SORBS2: variants seen among roughly 807,000 people sequenced by gnomAD.
SORBS2 encodes sorbin and SH3 domain containing 2.
A neutral mutation model predicts 97.7 loss-of-function variants in SORBS2; 46 were observed. That is an observed-to-expected ratio of 0.47 (90% CI 0.37 to 0.60). The LOEUF (loss-of-function observed/expected upper bound fraction) is 0.60. SORBS2 is among the 20% of genes least tolerant of loss of function. SORBS2 has a pLI of 0.00. For synonymous variants in SORBS2, 476 were observed against 473.4 expected (o/e 1.01, Z -0.07); for missense variants, 1,316 against 1,282.3 (o/e 1.03, Z -0.40).
chr4:185,844,356 T>C (rs1300511959), intron 1 of SORBS2, among the ~76,000 whole-genome samples: 1 of 152,202 alleles, frequency 6.6e-6, no homozygotes, highest in Non-Finnish European at 1.5e-5. Context: ...CACGAAAAGA[T>C]GCCCAACAGC....
intron 4 of SORBS2, among the ~76,000 whole-genome samples, chr4:185,670,120 G>C (rs2097689119): frequency 6.6e-6 from 1 of 152,088 alleles, no homozygotes; most frequent in Non-Finnish European, 1.5e-5. Flanking sequence ...TCTGGAGGCT[G>C]AGGCAGGAGA....
In SORBS2 at chr4:185,602,058, T is replaced by A. The variant is rs1245019027; in HGVS notation, c.2797-8123A>T. 2.0e-5 allele frequency among the ~76,000 whole-genome samples: 3 copies of A among 152,166 alleles called. No individual in the cohort carries two copies. The East Asian group carries it at 5.8e-4, about 29-fold the overall frequency. ...ATGGAGTCTCGCTCTGTTGCCAGGC[T>A]GGAGTGCAGTGGCACGGTCTCGGCT... On this transcript the variant is annotated intron_variant, in intron 12 of 14. Coordinates refer to ENST00000418609, the Ensembl canonical transcript of SORBS2.
intron 7 of SORBS2, among the ~76,000 whole-genome samples, chr4:185,621,744 C>CT (rs34333604): frequency 8.9e-4 from 135 of 151,304 alleles, no homozygotes; most frequent in Admixed American, 2.6e-3. Flanking sequence ...TGAATTATGT[C>CT]TTTTTTTTTG....
rs187836562 is a variant in SORBS2, at chr4:185,754,150, A to C, written c.-198+21077T>G. On this transcript the variant is annotated intron_variant, in intron 2 of 20. Coordinates refer to the SORBS2 transcript ENST00000284776. ...AGGACAAGATGATGTCCTTTGCAGC[A>C]ACATGGATGGAGCTAGAGGTCATTT... Among the ~76,000 whole-genome samples, 96 of 152,314 alleles carry C rather than the reference A, an allele frequency of 6.3e-4. 1 individual carries two copies. Among genetic ancestry groups the C allele is most frequent in the Admixed American group, 1.6e-3 (24 of 15,292 alleles).
intron 4 of SORBS2, among the ~76,000 whole-genome samples, chr4:185,664,607 C>A (rs1379112911): frequency 1.3e-5 from 2 of 152,164 alleles, no homozygotes; most frequent in East Asian, 3.9e-4. Context: ...AATGAGGCTC[C>A]TTCTGTAGCC....
At chr4:185,642,877 A>G (rs1214492200) in intron 4 of SORBS2, among the ~76,000 whole-genome samples, 1 of 152,252 alleles carries the variant, frequency 6.6e-6, no homozygotes, top group Non-Finnish European at 1.5e-5. Flanking sequence ...TTTGAGACCC[A>G]CTGGGCCTTT....
At chr4:185,624,101 C>G (rs1320462248) in exon 7 of SORBS2, 1 of 1,614,084 alleles carries the variant, frequency 6.2e-7, no homozygotes, top group East Asian at 2.2e-5. Flanking sequence ...TGACCTGTGT[C>G]TGATCCTTGA....
Position 185,835,791 on chromosome 4 carries a change from C to T in SORBS2, c.-337-60425G>A, listed in dbSNP as rs372792158. ...CAACACTCATAGTTTTGAAAACCTC[C>T]CTTGAAGGTGGGAGACTTACTTTCC... is the stretch of plus-strand genomic sequence containing the variant. On this transcript the variant is annotated intron_variant, in intron 1 of 20. Coordinates refer to the SORBS2 transcript ENST00000284776. Among the ~76,000 whole-genome samples, 36 of 151,912 alleles carry T rather than the reference C, an allele frequency of 2.4e-4. No individual in the cohort carries two copies. The East Asian group carries it at 3.5e-3, about 15-fold the overall frequency.
chr4:185,954,501 C>A (rs2099278678), intron 1 of SORBS2, among the ~76,000 whole-genome samples: 1 of 151,964 alleles, frequency 6.6e-6, no homozygotes, highest in African/African-American at 2.4e-5. Context: ...TTTTGAGAAA[C>A]AAAATCACAA....
At chr4:185,855,908 G>T (rs568189536) in intron 1 of SORBS2, among the ~76,000 whole-genome samples, 1 of 152,308 alleles carries the variant, frequency 6.6e-6, no homozygotes, top group South Asian at 2.1e-4. Flanking sequence ...CACTGCCTTG[G>T]CTGTTAGGTT....
At chr4:185,937,890 T>C (rs1269191263) in intron 1 of SORBS2, among the ~76,000 whole-genome samples, 1 of 152,234 alleles carries the variant, frequency 6.6e-6, no homozygotes, top group Non-Finnish European at 1.5e-5. Flanking sequence ...AGTTGGAATA[T>C]CTTCTCCTCT....
At chr4:185,707,581 G>T (rs1436532571) in intron 2 of SORBS2, among the ~76,000 whole-genome samples, 8 of 151,712 alleles carry the variant, frequency 5.3e-5, no homozygotes, top group Non-Finnish European at 1.2e-4. Flanking sequence ...TGCTTTTGAT[G>T]CTTGTTCTCA....
intron 1 of SORBS2, among the ~76,000 whole-genome samples, chr4:185,923,683 G>T (rs2099262117): frequency 6.6e-6 from 1 of 151,790 alleles, no homozygotes; most frequent in East Asian, 1.9e-4. Flanking sequence ...TGCACGTGAT[G>T]ATTACTCTGG....
intron 1 of SORBS2, among the ~76,000 whole-genome samples, chr4:185,890,719 G>A (rs1053515169): frequency 6.6e-6 from 1 of 152,164 alleles, no homozygotes; most frequent in African/African-American, 2.4e-5. Context: ...CTTCACAGCT[G>A]TATGCACTCA....
intron 2 of SORBS2, chr4:185,690,604 C>T: frequency 6.8e-7 from 1 of 1,476,368 alleles, no homozygotes; most frequent in Non-Finnish European, 9.2e-7. Flanking sequence ...TTAAAGTCTT[C>T]AGTTTTCCTG....
chr4:185,924,888 G>A (rs2099262838), intron 1 of SORBS2, among the ~76,000 whole-genome samples: 1 of 152,100 alleles, frequency 6.6e-6, no homozygotes, highest in South Asian at 2.1e-4. Context: ...CACTCCATGT[G>A]TGTCCGTGTC....
At chr4:185,754,091 A>G (rs1178478255) in intron 2 of SORBS2, among the ~76,000 whole-genome samples, 1 of 152,210 alleles carries the variant, frequency 6.6e-6, no homozygotes, top group African/African-American at 2.4e-5. Flanking sequence ...GATATGGTAT[A>G]TACACACCAT....
In SORBS2 at chr4:185,623,071, G is replaced by A; in HGVS notation, c.2058C>T (p.Pro686=). 6.2e-7 allele frequency: 1 copy of A among 1,614,124 alleles called. No homozygotes were observed. Among genetic ancestry groups the A allele is most frequent in the Non-Finnish European group, 8.5e-7 (1 of 1,180,026 alleles). ...GCAGTGGGTGGAGAGGCTGGTGCAG[G>A]GGGCTCCTCCTCAGCGCTCTCAGGG... Residue 686 remains proline, a synonymous_variant, in exon 7 of 15, where the codon CCC becomes CCT. Transcript: ENST00000418609. The surrounding 1 kb of genome is among the most constrained non-coding windows in gnomAD (Gnocchi z 6.4).
At chr4:185,613,681 C>T (rs72718118) in intron 11 of SORBS2, among the ~76,000 whole-genome samples, 3,369 of 150,172 alleles carry the variant, frequency 0.022, 60 homozygotes, top group Non-Finnish European at 0.032. Flanking sequence ...TCAGTCTCCC[C>T]AAATCTGAAA....
Sources: allele counts gnomAD v4.1 joint callset (sites outside exome capture counted in the v4.1 genomes callset), GRCh38; gene constraint gnomAD v4.1.1; non-coding constraint Gnocchi (gnomAD v3.1); transcripts MANE v1.5; gene names NCBI Gene and HGNC (gene_info 2026-07-23, HGNC 2026-07-21).